The following C10orf90 variants were observed in gnomAD, a reference collection of about 807,000 sequenced individuals.
C10orf90 encodes (E2-independent) E3 ubiquitin-conjugating enzyme FATS.
In C10orf90, 56 loss-of-function variants were observed where a neutral mutation model predicts 62.5. The ratio of observed to expected loss-of-function variants is 0.90; its 90% CI spans 0.72 to 1.12. The LOEUF (loss-of-function observed/expected upper bound fraction) is 1.12, where lower values mean the gene tolerates loss of function less well. Among genes scored for constraint, C10orf90 ranks in the 50% most tolerant of loss-of-function variants. The probability of loss-of-function intolerance (pLI) is 0.00; values close to 1 mark genes in which losing one functional copy is unlikely to be tolerated. For missense variants in C10orf90, 970 were observed against 880.4 expected, an observed-to-expected ratio of 1.10 and a Z score of -1.29; for synonymous variants, 386 against 340.4, an observed-to-expected ratio of 1.13 and a Z score of -1.47.
rs979010406 is a variant in C10orf90, at chr10:126,648,828, T to C, written c.241-2191A>G. Among the ~76,000 whole-genome samples, 4 of 152,168 alleles carry C rather than the reference T, an allele frequency of 2.6e-5. No individual in the cohort carries two copies. In the East Asian group the frequency reaches 7.7e-4, roughly 29 times the overall value. Reference sequence around the variant, plus strand: ...TCTTGTGTGGTTCTTTTAAGAAAGATTGTTATGCATATTTTTAATGTAACT... The same window carrying C: ...TCTTGTGTGGTTCTTTTAAGAAAGACTGTTATGCATATTTTTAATGTAACT... On this transcript the variant is annotated intron_variant, in intron 1 of 9. Transcript: ENST00000488181.
At chr10:126,543,602 C>T (rs969526697) in intron 2 of C10orf90, among the ~76,000 whole-genome samples, 2 of 152,164 alleles carry the variant, frequency 1.3e-5, no homozygotes, top group East Asian at 3.9e-4. Flanking sequence ...TGACCCCATT[C>T]CCTGAGACCA....
At chr10:126,578,998 A>T (rs896339299) in intron 2 of C10orf90, among the ~76,000 whole-genome samples, 1 of 151,942 alleles carries the variant, frequency 6.6e-6, no homozygotes, top group Non-Finnish European at 1.5e-5. Flanking sequence ...TTTTGTGAAA[A>T]CTCATGAGAC....
At chr10:126,666,956 G>A (rs1257944076) in intron 1 of C10orf90, among the ~76,000 whole-genome samples, 2 of 149,652 alleles carry the variant, frequency 1.3e-5, no homozygotes, top group African/African-American at 5.0e-5. Context: ...CTCCAGCCTG[G>A]GCGACAGAGT....
intron 2 of C10orf90, among the ~76,000 whole-genome samples, chr10:126,528,831 T>C (rs1864018857): frequency 6.6e-6 from 1 of 152,290 alleles, no homozygotes; most frequent in East Asian, 1.9e-4. Flanking sequence ...CCCCTTTGTA[T>C]GTGTGAGCGG....
chr10:126,528,881 C>T (rs909813436), intron 2 of C10orf90, among the ~76,000 whole-genome samples: 1 of 152,162 alleles, frequency 6.6e-6, no homozygotes. Flanking sequence ...CAGTTATCAA[C>T]AAGACTGCCA....
intron 2 of C10orf90, among the ~76,000 whole-genome samples, chr10:126,603,122 G>A (rs937452801): frequency 1.1e-4 from 16 of 152,046 alleles, no homozygotes; most frequent in Non-Finnish European, 2.4e-4. Flanking sequence ...TCTGGAGGTG[G>A]AGCTGGAAGT....
chr10:126,594,174 T>G (rs957232726), intron 2 of C10orf90, among the ~76,000 whole-genome samples: 3 of 149,888 alleles, frequency 2.0e-5, no homozygotes, highest in African/African-American at 7.4e-5. Context: ...AGTGAAAACT[T>G]CCCTCTAGGC....
intron 1 of C10orf90, among the ~76,000 whole-genome samples, chr10:126,661,089 T>A (rs1846499875): frequency 6.6e-6 from 1 of 152,218 alleles, no homozygotes; most frequent in Admixed American, 6.5e-5. Flanking sequence ...TCTTTCTGTG[T>A]ATCTAATCAT....
At chr10:126,615,064 C>G (rs1472331272) in intron 2 of C10orf90, among the ~76,000 whole-genome samples, 1 of 152,186 alleles carries the variant, frequency 6.6e-6, no homozygotes, top group Non-Finnish European at 1.5e-5. Flanking sequence ...GGCTGGGATG[C>G]TGGAGCTCTC....
intron 2 of C10orf90, among the ~76,000 whole-genome samples, chr10:126,633,736 C>T (rs1245416614): frequency 1.3e-5 from 2 of 152,182 alleles, no homozygotes; most frequent in East Asian, 3.8e-4. Context: ...TTTCCCTCTT[C>T]CCAACCTCTC....
At chr10:126,557,458 C>T (rs143932142) in intron 2 of C10orf90, among the ~76,000 whole-genome samples, 26,197 of 143,582 alleles carry the variant, frequency 0.18, 2,524 homozygotes, top group African/African-American at 0.23. Flanking sequence ...CCAGCCTGGG[C>T]GACAGAGCGA....
chr10:126,654,854 G>T (rs2133863345), intron 1 of C10orf90, among the ~76,000 whole-genome samples: 1 of 152,274 alleles, frequency 6.6e-6, no homozygotes, highest in African/African-American at 2.4e-5. Context: ...GCGTTCACTT[G>T]AACACTCAGA....
At chr10:126,502,707 G>A (rs1862475291) in intron 4 of C10orf90, 4 of 465,514 alleles carry the variant, frequency 8.6e-6, no homozygotes, top group South Asian at 6.9e-5. Context: ...CAATGCAGTG[G>A]TGTATTTCTG....
intron 2 of C10orf90, among the ~76,000 whole-genome samples, chr10:126,542,512 A>G (rs915940903): frequency 6.6e-6 from 1 of 152,182 alleles, no homozygotes; most frequent in African/African-American, 2.4e-5. Flanking sequence ...CGAAAAATAA[A>G]TAAATAAAAA....
chr10:126,425,880 T>C lies in C10orf90; in HGVS notation c.2375A>G (p.Gln792Arg), dbSNP rs747449631. 3.1e-6 allele frequency: 5 copies of C among 1,613,984 alleles called. No individual in the cohort carries two copies. The highest frequency in any genetic ancestry group is 4.2e-6 in the Non-Finnish European group (5 of 1,180,018). Reference sequence around the variant, plus strand: ...AGCCTGTGGTTAGACCGCATTCCTTTGAAGGAGCTGGTCCAGTAATTGCTA... The same window carrying C: ...AGCCTGTGGTTAGACCGCATTCCTTCGAAGGAGCTGGTCCAGTAATTGCTA... ...FKKQLLDQLL[Q>R]RNAV The change falls in exon 10 of 10, where the codon CAA becomes CGA. Residue 792 changes from glutamine to arginine, a missense_variant. Transcript: ENST00000488181.
chr10:126,629,709 A>C (rs1845814624), intron 2 of C10orf90, among the ~76,000 whole-genome samples: 1 of 152,236 alleles, frequency 6.6e-6, no homozygotes, highest in Non-Finnish European at 1.5e-5. Context: ...CTTATAAATA[A>C]TATGGCCATG....
At chr10:126,600,160 G>A (rs2804427) in intron 2 of C10orf90, among the ~76,000 whole-genome samples, 8,989 of 151,882 alleles carry the variant, frequency 0.059, 386 homozygotes, top group South Asian at 0.23. Context: ...AAGTGTGTGC[G>A]TATCGCATGT....
intron 1 of C10orf90, among the ~76,000 whole-genome samples, chr10:126,654,941 G>A (rs1467091532): frequency 6.6e-6 from 1 of 152,158 alleles, no homozygotes; most frequent in East Asian, 1.9e-4. Flanking sequence ...AGAGAGGTGA[G>A]AGAACAACTG....
rs563247841 is a variant in C10orf90 at position 126,505,133 on chromosome 10, T to C, written c.406-48A>G. 1.6e-5 allele frequency: 24 copies of C among 1,547,520 alleles called. No individual in the cohort carries two copies. The South Asian group carries it at 2.6e-4, about 17-fold the overall frequency. ...ATTATTCAAGCAGTCTATTGAAATATAGACAGTAAACTCTCTTTCAAGGGC... is the reference window on the plus strand; with the variant it reads ...ATTATTCAAGCAGTCTATTGAAATACAGACAGTAAACTCTCTTTCAAGGGC... On this transcript the variant is annotated intron_variant, in intron 3 of 9. Coordinates refer to ENST00000488181, the MANE Select transcript of C10orf90 (RefSeq NM_001350921.2).
Sources: allele counts gnomAD v4.1 joint callset (sites outside exome capture counted in the v4.1 genomes callset), GRCh38; gene constraint gnomAD v4.1.1; transcripts MANE v1.5; gene names NCBI Gene and HGNC (gene_info 2026-07-23, HGNC 2026-07-21).